ZNF829: variants seen among roughly 807,000 people sequenced by gnomAD.
ZNF829 encodes the protein zinc finger protein 829.
In ZNF829, 25 loss-of-function variants were observed where a neutral mutation model predicts 35.2. The ratio of observed to expected loss-of-function variants is 0.71; its 90% CI spans 0.52 to 0.99. The LOEUF is 0.99. ZNF829 is among the 50% of genes least tolerant of loss of function. The pLI is 0.00. For synonymous variants in ZNF829, 136 were observed against 163.2 expected (o/e 0.83, Z 1.27); for missense variants, 417 against 515.3 (o/e 0.81, Z 1.85).
At position 36,889,241 on chromosome 19, in the gene ZNF829, ATTGGC is replaced by A. The variant is rs2146219209; in HGVS notation, c.*2246_*2250del. 6.6e-6 allele frequency: 1 copy of A among 152,144 alleles called. No homozygotes were observed. Among genetic ancestry groups the A allele is most frequent in the African/African-American group, 2.4e-5 (1 of 41,512 alleles). 9.4% of individuals were successfully genotyped at this position (152,144 alleles called of 1,614,324 possible). On this transcript the variant is annotated 3_prime_UTR_variant, in exon 6 of 6. Transcript: ENST00000391711. Reference sequence around the variant, plus strand: ...TTTTGTGTCTATTTTCATCAGGGATATTGGCTTGTAGTTTTTTTGTGTGTTTTATC... The same window carrying A: ...TTTTGTGTCTATTTTCATCAGGGATATTGTAGTTTTTTTGTGTGTTTTATC...
Position 36,892,222 on chromosome 19 carries a change from C to T in ZNF829, c.569G>A (p.Gly190Glu), listed in dbSNP as rs1834273339. The change falls in exon 6 of 6, where the codon GGG becomes GAG. Residue 190 changes from glycine (G) to glutamate (E), a missense_variant. Transcript: ENST00000391711. ...GAGTGAGCCACGACTAAAGGACTTC[C>T]CATACTCCTTAGATTCATAGTGTTT... The part of the protein sequence containing the change: ...GEKHYESKEY[G>E]KSFSRGSLVT... 1.2e-6 allele frequency: 2 copies of T among 1,613,974 alleles called. No homozygotes were observed. The highest frequency in any genetic ancestry group is 3.3e-5 in the Admixed American group (2 of 60,004).
chr19:36,892,752 C>T, intron 5 of ZNF829: 1 of 504,476 alleles, frequency 2.0e-6, no homozygotes, highest in South Asian at 4.7e-5. Flanking sequence ...CAGTGTTCAG[C>T]ACCATCCTCC....
chr19:36,893,009 C>T (rs111888761), intron 5 of ZNF829: 4,300 of 408,112 alleles, frequency 0.011, 36 homozygotes, highest in African/African-American at 0.024. Context: ...ATTATATACA[C>T]GTTCATAAAC....
At chr19:36,911,961 A>G (rs1295036144) in intron 3 of ZNF829, among the ~76,000 whole-genome samples, 2 of 152,188 alleles carry the variant, frequency 1.3e-5, no homozygotes, top group Admixed American at 6.5e-5. Flanking sequence ...GAGACTCTTA[A>G]TAGTGTCTCC....
At position 36,890,432 on chromosome 19, in the gene ZNF829, A is replaced by T. The variant is rs528210871; in HGVS notation, c.*1060T>A. On this transcript the variant is annotated 3_prime_UTR_variant, in exon 6 of 6. Coordinates refer to ENST00000391711, the MANE Select transcript of ZNF829 (RefSeq NM_001037232.4). Reference sequence around the variant, plus strand: ...AGGTCTAGTAGTATCTGTGTTATGGATCTGGGTGTTGCAGTGTTGGGTGCA... The same window carrying T: ...AGGTCTAGTAGTATCTGTGTTATGGTTCTGGGTGTTGCAGTGTTGGGTGCA... 6.6e-6 allele frequency: 1 copy of T among 152,022 alleles called. No individual in the cohort carries two copies. Among genetic ancestry groups the T allele is most frequent in the South Asian group, 2.1e-4 (1 of 4,808 alleles). The allele number at this position is 152,022 out of a possible 1,614,324, so 9.4% of individuals were successfully genotyped here.
chr19:36,904,877 A>T (rs2073203009), intron 5 of ZNF829, among the ~76,000 whole-genome samples: 1 of 152,206 alleles, frequency 6.6e-6, no homozygotes, highest in African/African-American at 2.4e-5. Flanking sequence ...GCAAGTTGGT[A>T]GGGAGGAAAA....
chr19:36,915,093 A>T (rs761317221), intron 2 of ZNF829, 37 bp downstream of exon 2: 1 of 1,614,126 alleles, frequency 6.2e-7, no homozygotes, highest in Non-Finnish European at 8.5e-7. Flanking sequence ...TACCCAGATT[A>T]GTCAAGTAAG....
intron 3 of ZNF829, 91 bp from the exon 4 acceptor site, chr19:36,908,550 A>G (rs979480683): frequency 7.1e-7 from 1 of 1,411,546 alleles, no homozygotes; most frequent in Non-Finnish European, 9.6e-7. Context: ...GCAAAATTAA[A>G]GGGGGTGAAT....
At chr19:36,912,884 C>T (rs1600744486) in intron 3 of ZNF829, 1 of 152,378 alleles carries the variant, frequency 6.6e-6, no homozygotes, top group East Asian at 1.9e-4. Flanking sequence ...GTAATCCCAG[C>T]TACTCGGGAG....
At chr19:36,913,062 C>G (rs546848366) in intron 3 of ZNF829, 4 of 152,268 alleles carry the variant, frequency 2.6e-5, no homozygotes, top group African/African-American at 7.2e-5. Context: ...CCCGTTAATA[C>G]TGGGCAACAA....
At chr19:36,902,644 C>CAAAATAAAATAAAAATAAAAT (rs1555726828) in intron 5 of ZNF829, among the ~76,000 whole-genome samples, 130 of 147,494 alleles carry the variant, frequency 8.8e-4, no homozygotes, top group African/African-American at 3.3e-3. Context: ...GACTCTGTCT[C>CAAAATAAAATAAAAATAAAAT]AAAATAAAAT....
At position 36,892,479 on chromosome 19, in the gene ZNF829, A is replaced by C; in HGVS notation, c.320-8T>G. Reference sequence around the variant, plus strand: ...CACACATTGATTCCAGATCTGAAAGAAAATACAAAGGCAAATAAATTTTCC... The same window carrying C: ...CACACATTGATTCCAGATCTGAAAGCAAATACAAAGGCAAATAAATTTTCC... On this transcript the variant is annotated splice_polypyrimidine_tract_variant and splice_region_variant and intron_variant, in intron 5 of 5. Coordinates refer to ENST00000391711, the MANE Select transcript of ZNF829 (RefSeq NM_001037232.4). 2 of 1,554,390 alleles carry C rather than the reference A, an allele frequency of 1.3e-6. No homozygotes were observed. Among genetic ancestry groups the C allele is most frequent in the Non-Finnish European group, 1.7e-6 (2 of 1,159,498 alleles).
chr19:36,902,677 T>TAAAATAAAATA (rs1568370161), intron 5 of ZNF829, among the ~76,000 whole-genome samples: 1 of 125,430 alleles, frequency 8.0e-6, no homozygotes, highest in Admixed American at 7.8e-5. Context: ...AATAAAATAA[T>TAAAATAAAATA]AAAAACTATA....
chr19:36,897,483 A>T (rs902424002), intron 5 of ZNF829, among the ~76,000 whole-genome samples: 2 of 152,204 alleles, frequency 1.3e-5, no homozygotes, highest in Admixed American at 6.5e-5. Flanking sequence ...ATGCAGAGAA[A>T]CATCTGATAA....
chr19:36,897,134 T>C (rs2073120485), intron 5 of ZNF829, among the ~76,000 whole-genome samples: 1 of 152,074 alleles, frequency 6.6e-6, no homozygotes, highest in African/African-American at 2.4e-5. Context: ...AAATTACAAA[T>C]AACTAACCTC....
At chr19:36,903,607 T>C (rs2073190035) in intron 5 of ZNF829, among the ~76,000 whole-genome samples, 1 of 152,116 alleles carries the variant, frequency 6.6e-6, no homozygotes, top group African/African-American at 2.4e-5. Context: ...AAGGAAATTA[T>C]AGGTTGGGCA....
intron 5 of ZNF829, among the ~76,000 whole-genome samples, chr19:36,897,774 C>T (rs532593287): frequency 6.6e-6 from 1 of 152,200 alleles, no homozygotes; most frequent in Non-Finnish European, 1.5e-5. Flanking sequence ...TTACAGATGA[C>T]ATGATCTTAC....
chr19:36,891,402 C>A lies in ZNF829; in HGVS notation c.*90G>T. The A allele has an allele frequency of 7.6e-7, 1 of 1,321,386 alleles. No individual in the cohort carries two copies. The highest frequency in any genetic ancestry group is 1.8e-5 in the South Asian group (1 of 54,086). 81.9% of individuals were successfully genotyped at this position (1,321,386 alleles called of 1,614,324 possible). A position where few individuals can be genotyped will look rare whatever the true frequency, so the allele number is the denominator to read the frequency against. ...TTTAAAAACGAATACATAGGAGAACCTTTGATAATATGTATCCTAATTTGT... is the reference window on the plus strand; with the variant it reads ...TTTAAAAACGAATACATAGGAGAACATTTGATAATATGTATCCTAATTTGT... On this transcript the variant is annotated 3_prime_UTR_variant, in exon 6 of 6. Transcript: ENST00000391711.
In ZNF829 at chr19:36,915,191, G is replaced by A. The variant is rs764677232; in HGVS notation, c.-24C>T. 16 of 1,613,908 alleles carry A rather than the reference G, an allele frequency of 9.9e-6. No individual in the cohort carries two copies. The highest frequency in any genetic ancestry group is 2.5e-6 in the Non-Finnish European group (3 of 1,179,942). ...ATTCTGTCCAATTCCAGTGGCTCAG[G>A]GGAAAGGTTGTGTTCACTGCTGTCC... On this transcript the variant is annotated 5_prime_UTR_variant, in exon 2 of 6. Transcript: ENST00000391711.
Sources: allele counts gnomAD v4.1 joint callset (sites outside exome capture counted in the v4.1 genomes callset), GRCh38; gene constraint gnomAD v4.1.1; transcripts MANE v1.5; gene names NCBI Gene and HGNC (gene_info 2026-07-23, HGNC 2026-07-21).